PACS1: variants seen among roughly 807,000 people sequenced by gnomAD.
The protein encoded by PACS1 is PACS-1.
Under a neutral mutation model 115.0 loss-of-function variants are expected in PACS1, and 24 were observed. The observed-to-expected ratio is 0.21, with a 90% CI of 0.15 to 0.29. The LOEUF (loss-of-function observed/expected upper bound fraction) is 0.29. Among genes scored for constraint, PACS1 ranks in the 10% least tolerant of loss-of-function variants. The pLI, the probability that PACS1 is intolerant of heterozygous loss-of-function variation, is 1.00. For synonymous variants in PACS1, 453 were observed against 504.5 expected (o/e 0.90, Z 1.37); for missense variants, 838 against 1,251.2 (o/e 0.67, Z 4.98).
At chr11:66,078,369 TTGTAGTC>T (rs1245433588) in intron 1 of PACS1, among the ~76,000 whole-genome samples, 1 of 152,128 alleles carries the variant, frequency 6.6e-6, no homozygotes, top group African/African-American at 2.4e-5. Context: ...GTTCCCTTCT[TTGTAGTC>T]TGTGTAACTC....
chr11:66,201,723 A>G (rs189381978), intron 2 of PACS1, among the ~76,000 whole-genome samples: 94 of 150,498 alleles, frequency 6.2e-4, no homozygotes, highest in African/African-American at 2.2e-3. Context: ...ACAGTGGTGC[A>G]ATCTCAGCTC....
chr11:66,210,331 T>C, intron 2 of PACS1, 31 bp from the exon 3 acceptor site: 1 of 1,578,234 alleles, frequency 6.3e-7, no homozygotes, highest in Non-Finnish European at 8.7e-7. Context: ...CCACTGCACC[T>C]GGCCAAACAG....
At chr11:66,164,148 A>G (rs1859547023) in intron 1 of PACS1, among the ~76,000 whole-genome samples, 1 of 152,174 alleles carries the variant, frequency 6.6e-6, no homozygotes, top group Admixed American at 6.5e-5. Flanking sequence ...TCTGGATTTA[A>G]TGCCTCCATA....
intron 1 of PACS1, among the ~76,000 whole-genome samples, chr11:66,123,187 A>AG (rs1858484428): frequency 2.0e-5 from 2 of 100,220 alleles, no homozygotes; most frequent in African/African-American, 7.3e-5. Flanking sequence ...GAAAATTGTT[A>AG]GCTTTTTTTT....
At chr11:66,197,666 C>T (rs1381565284) in intron 2 of PACS1, among the ~76,000 whole-genome samples, 1 of 152,146 alleles carries the variant, frequency 6.6e-6, no homozygotes, top group Non-Finnish European at 1.5e-5. Context: ...GTGGCATATG[C>T]CTGCAGTCCC....
At chr11:66,164,212 G>A (rs1274618761) in intron 1 of PACS1, among the ~76,000 whole-genome samples, 1 of 152,110 alleles carries the variant, frequency 6.6e-6, no homozygotes, top group East Asian at 1.9e-4. Flanking sequence ...TTACTGTGCA[G>A]CTTTCGAACT....
intron 1 of PACS1, among the ~76,000 whole-genome samples, chr11:66,169,120 A>G (rs1003986839): frequency 1.3e-5 from 2 of 150,534 alleles, no homozygotes; most frequent in South Asian, 4.1e-4. Context: ...ACCTTGTCTT[A>G]TTCCTAGTTT....
At chr11:66,194,869 G>C (rs1353528357) in intron 2 of PACS1, among the ~76,000 whole-genome samples, 1 of 152,104 alleles carries the variant, frequency 6.6e-6, no homozygotes, top group Admixed American at 6.5e-5. Context: ...ATATATTGAG[G>C]TGCCTCGGCC....
intron 1 of PACS1, among the ~76,000 whole-genome samples, chr11:66,123,674 A>G (rs1470361671): frequency 6.6e-6 from 1 of 151,714 alleles, no homozygotes; most frequent in Non-Finnish European, 1.5e-5. Flanking sequence ...GGCACCTGCC[A>G]CCGCGCCCGG....
intron 19 of PACS1, chr11:66,238,603 C>G (rs183314547): frequency 1.6e-5 from 9 of 556,000 alleles, no homozygotes; most frequent in African/African-American, 3.8e-5. Flanking sequence ...CAGGTTCAAG[C>G]GATTCTCCTA....
At chr11:66,184,312 CAAAAAAAAAAAAAAA>C (rs11309195) in intron 1 of PACS1, among the ~76,000 whole-genome samples, 1 of 56,018 alleles carries the variant, frequency 1.8e-5, no homozygotes, top group Non-Finnish European at 3.1e-5. Context: ...GACCCTGTCT[CAAAAAAAAAAAAAAA>C]AAAAAAAAAA....
intron 1 of PACS1, among the ~76,000 whole-genome samples, chr11:66,157,152 A>G (rs1457127706): frequency 1.3e-5 from 2 of 152,190 alleles, no homozygotes; most frequent in Non-Finnish European, 2.9e-5. Context: ...AGACTTTTAG[A>G]AAAGATGGAG....
chr11:66,225,421 A>C (rs1247291303), intron 10 of PACS1, among the ~76,000 whole-genome samples: 2 of 152,176 alleles, frequency 1.3e-5, no homozygotes, highest in Non-Finnish European at 2.9e-5. Flanking sequence ...TGAAATTGGG[A>C]ATTTGTCCCC....
At chr11:66,146,472 G>A (rs936899462) in intron 1 of PACS1, among the ~76,000 whole-genome samples, 2 of 152,120 alleles carry the variant, frequency 1.3e-5, no homozygotes, top group Non-Finnish European at 2.9e-5. Flanking sequence ...GAAAGAATCA[G>A]TGAACTTAAA....
rs1590836300 is a variant in PACS1 at position 66,230,023 on chromosome 11, G to A, written c.1375-525G>A. 5.3e-5 allele frequency among the ~76,000 whole-genome samples: 8 copies of A among 152,022 alleles called. No individual in the cohort carries two copies. The South Asian group carries it at 1.0e-3, about 20-fold the overall frequency. ...GCTCAGAAGGTGGGATAGAGAGGGT[G>A]GATGTGAGAGTGTGGCCAGAGCGGG... On this transcript the variant is annotated intron_variant, in intron 11 of 23. Coordinates refer to ENST00000320580, the MANE Select transcript of PACS1 (RefSeq NM_018026.4).
intron 2 of PACS1, among the ~76,000 whole-genome samples, chr11:66,195,577 C>T (rs1854631629): frequency 6.6e-6 from 1 of 152,140 alleles, no homozygotes; most frequent in South Asian, 2.1e-4. Flanking sequence ...TAATTTATTT[C>T]CTGATTAAAT....
chr11:66,232,306 G>T (rs757360506), intron 14 of PACS1, 30 bp downstream of exon 14: 1 of 1,304,380 alleles, frequency 7.7e-7, no homozygotes, highest in Non-Finnish European at 1.1e-6. Context: ...GGCCATGTGG[G>T]GTCCTGGAGG....
chr11:66,090,997 T>A lies in PACS1; in HGVS notation c.356+20155T>A, dbSNP rs970560837. Among the ~76,000 whole-genome samples the A allele has an allele frequency of 3.3e-5, 5 of 152,332 alleles. No homozygotes were observed. The East Asian group carries it at 9.6e-4, about 29-fold the overall frequency. On this transcript the variant is annotated intron_variant, in intron 1 of 23. Transcript: ENST00000320580. Reference sequence around the variant, plus strand: ...ACTAATAAAATATTGAATTTCAATATGATTTCTCCACCCCAGTAAATCTTA... The same window carrying A: ...ACTAATAAAATATTGAATTTCAATAAGATTTCTCCACCCCAGTAAATCTTA...
intron 1 of PACS1, among the ~76,000 whole-genome samples, chr11:66,136,400 A>C (rs1317306952): frequency 6.6e-6 from 1 of 151,954 alleles, no homozygotes; most frequent in Non-Finnish European, 1.5e-5. Flanking sequence ...AGGAGTTATG[A>C]TTTAACAAAA....
Sources: gnomAD v4.1 joint callset for allele counts (sites outside exome capture counted in the v4.1 genomes callset) on GRCh38, gnomAD v4.1.1 for gene constraint, MANE v1.5 for transcripts, NCBI Gene and HGNC (gene_info 2026-07-23, HGNC 2026-07-21) for gene names.